The following TENM3 variants were observed in gnomAD, a reference collection of about 807,000 sequenced individuals.
TENM3 encodes teneurin transmembrane protein 3.
A neutral mutation model predicts 255.1 loss-of-function variants in TENM3; 63 were observed. The observed-to-expected ratio is 0.25, with a 90% CI of 0.20 to 0.30. The LOEUF (loss-of-function observed/expected upper bound fraction) is 0.30, where lower values mean the gene tolerates loss of function less well. TENM3 is among the 10% of genes least tolerant of loss of function. TENM3 has a pLI of 1.00. For missense variants in TENM3, 2,929 were observed against 3,461.1 expected (o/e 0.85, Z 3.86); for synonymous variants, 1,306 against 1,322.3 (o/e 0.99, Z 0.27).
At chr4:182,099,239 C>T in the TENM3 span, among the ~76,000 whole-genome samples, 1 of 152,106 alleles carries the variant, frequency 6.6e-6, no homozygotes, top group African/African-American at 2.4e-5. Flanking sequence ...GCTAGGATTA[C>T]AGGCATGAGC....
the TENM3 span, among the ~76,000 whole-genome samples, chr4:181,580,264 C>G: frequency 6.6e-6 from 1 of 152,066 alleles, no homozygotes; most frequent in Non-Finnish European, 1.5e-5. Context: ...TCCCAACATT[C>G]TGGGATTACA....
the TENM3 span, among the ~76,000 whole-genome samples, chr4:181,798,848 A>C: frequency 6.6e-6 from 1 of 152,238 alleles, no homozygotes; most frequent in Admixed American, 6.5e-5. Flanking sequence ...GTGAGTTAAC[A>C]AATGTAGTTT....
the TENM3 span, among the ~76,000 whole-genome samples, chr4:182,001,887 A>C: frequency 1.3e-5 from 2 of 152,148 alleles, no homozygotes; most frequent in African/African-American, 4.8e-5. Flanking sequence ...AAGTGAGATC[A>C]AGTTGATTGG....
chr4:182,510,064 A>C (rs1318644187), intron 3 of TENM3, among the ~76,000 whole-genome samples: 7 of 152,178 alleles, frequency 4.6e-5, no homozygotes, highest in Admixed American at 4.6e-4. Context: ...GTCAGTTAAG[A>C]TCTTAGTTGT....
At chr4:181,620,074 A>T in the TENM3 span, among the ~76,000 whole-genome samples, 1 of 152,198 alleles carries the variant, frequency 6.6e-6, no homozygotes, top group Admixed American at 6.5e-5. Context: ...CAGCCTGGGC[A>T]ACATAGGGAG....
chr4:181,909,538 G>A, the TENM3 span, among the ~76,000 whole-genome samples: 3 of 152,246 alleles, frequency 2.0e-5, no homozygotes, highest in East Asian at 3.9e-4. Context: ...ACTCAGCCCG[G>A]CTGCTGTTCT....
At chr4:181,592,680 GTCTCGGTTGCCTC>G in the TENM3 span, among the ~76,000 whole-genome samples, 1 of 85,740 alleles carries the variant, frequency 1.2e-5, no homozygotes, top group African/African-American at 3.2e-5. Context: ...TTTTTTTTTG[GTCTCGGTTGCCTC>G]TCTGGAAGGA....
the TENM3 span, among the ~76,000 whole-genome samples, chr4:182,086,828 A>G: frequency 4.6e-5 from 7 of 152,208 alleles, no homozygotes; most frequent in Admixed American, 4.6e-4. Context: ...CGTAAAAGAC[A>G]TCTTTTGAAT....
chr4:182,765,304 G>A (rs1234267541), intron 22 of TENM3, among the ~76,000 whole-genome samples: 7 of 152,140 alleles, frequency 4.6e-5, no homozygotes, highest in Admixed American at 4.6e-4. Flanking sequence ...TTTACAGACT[G>A]GAGTTTCCTG....
the TENM3 span, among the ~76,000 whole-genome samples, chr4:181,800,243 A>G: frequency 6.6e-6 from 1 of 152,204 alleles, no homozygotes; most frequent in Admixed American, 6.5e-5. Context: ...AACCATGGTC[A>G]CCAGATGAAC....
chr4:182,547,536 T>C (rs141051495), intron 3 of TENM3, among the ~76,000 whole-genome samples: 182 of 152,240 alleles, frequency 1.2e-3, no homozygotes, highest in African/African-American at 4.1e-3. Flanking sequence ...ATTGAACATA[T>C]TACGTCACCT....
intron 1 of TENM3, among the ~76,000 whole-genome samples, chr4:182,220,719 G>A (rs2726815): frequency 6.6e-6 from 1 of 152,038 alleles, no homozygotes; most frequent in African/African-American, 2.4e-5. Context: ...ACATGGTATT[G>A]TATAATTACC....
chr4:182,678,466 A>C (rs2152562496), intron 7 of TENM3, among the ~76,000 whole-genome samples: 1 of 152,306 alleles, frequency 6.6e-6, no homozygotes, highest in Non-Finnish European at 1.5e-5. Context: ...TTCTAATCTA[A>C]CAATAACTAA....
At chr4:182,036,987 T>G in the TENM3 span, among the ~76,000 whole-genome samples, 1 of 152,272 alleles carries the variant, frequency 6.6e-6, no homozygotes, top group South Asian at 2.1e-4. Context: ...TGCCTTCCTC[T>G]TGTGTGTTAT....
At chr4:182,478,576 T>G (rs1363986794) in intron 3 of TENM3, among the ~76,000 whole-genome samples, 3 of 152,056 alleles carry the variant, frequency 2.0e-5, no homozygotes, top group Admixed American at 2.0e-4. Context: ...GCTTTCATCC[T>G]TATACAGTGA....
At chr4:182,599,693 T>C (rs1489735696) in intron 3 of TENM3, among the ~76,000 whole-genome samples, 1 of 152,210 alleles carries the variant, frequency 6.6e-6, no homozygotes, top group Admixed American at 6.5e-5. Flanking sequence ...TAAACTGTGC[T>C]ATTTGGCTTA....
At chr4:182,109,135 T>C in the TENM3 span, among the ~76,000 whole-genome samples, 1 of 108,624 alleles carries the variant, frequency 9.2e-6, no homozygotes, top group Non-Finnish European at 2.3e-5. Flanking sequence ...TTGATCCAGA[T>C]GTTGTGATTA....
intron 3 of TENM3, among the ~76,000 whole-genome samples, chr4:182,458,016 C>T (rs1240706752): frequency 6.6e-6 from 1 of 152,094 alleles, no homozygotes; most frequent in African/African-American, 2.4e-5. Flanking sequence ...AACGTTGTAA[C>T]CATTGGATGT....
At chr4:182,575,216 G>A (rs72701957) in intron 3 of TENM3, among the ~76,000 whole-genome samples, 14,990 of 152,112 alleles carry the variant, frequency 0.099, 928 homozygotes, top group Non-Finnish European at 0.14. Flanking sequence ...GTTACCATTG[G>A]GAGAAACTAG....
Sources: gnomAD v4.1 joint callset for allele counts (sites outside exome capture counted in the v4.1 genomes callset) on GRCh38, gnomAD v4.1.1 for gene constraint, MANE v1.5 for transcripts, NCBI Gene and HGNC (gene_info 2026-07-23, HGNC 2026-07-21) for gene names.